The following PLPPR1 variants were observed in gnomAD, a reference collection of about 807,000 sequenced individuals.
PLPPR1 encodes phospholipid phosphatase-related protein type 1.
A neutral mutation model predicts 33.1 loss-of-function variants in PLPPR1; 10 were observed. The observed-to-expected ratio is 0.30, with a 90% confidence interval of 0.19 to 0.51. PLPPR1 has a LOEUF of 0.51. Ranked by LOEUF, PLPPR1 falls within the 20% of genes least tolerant of loss-of-function variation. PLPPR1 has a pLI of 0.97. For synonymous variants in PLPPR1, 151 were observed against 151.0 expected, an observed-to-expected ratio of 1.00 and a Z score of 0.00; for missense variants, 304 against 408.1, an observed-to-expected ratio of 0.74 and a Z score of 2.20.
At chr9:101,180,834 C>T (rs10989421) in intron 1 of PLPPR1, among the ~76,000 whole-genome samples, 83,213 of 151,600 alleles carry the variant, frequency 0.55, 23,706 homozygotes, top group Non-Finnish European at 0.62. Context: ...TGGACAAAGA[C>T]GATTTTAGAT....
chr9:101,062,042 A>T lies in PLPPR1; in HGVS notation c.-46+32940A>T, dbSNP rs532552484. Among the ~76,000 whole-genome samples, 3 of 152,170 alleles carry T rather than the reference A, an allele frequency of 2.0e-5. No individual in the cohort carries two copies. The South Asian group carries it at 6.2e-4, about 31-fold the overall frequency. On this transcript the variant is annotated intron_variant, in intron 1 of 7. Transcript: ENST00000374874. ...TGATATAATTGCATAGGTAAAGGCTAAAGTAGCCAAAATTGAAAAATGGTT... is the reference window on the plus strand; with the variant it reads ...TGATATAATTGCATAGGTAAAGGCTTAAGTAGCCAAAATTGAAAAATGGTT...
intron 1 of PLPPR1, among the ~76,000 whole-genome samples, chr9:101,135,125 C>T (rs572732636): frequency 1.3e-5 from 2 of 152,190 alleles, no homozygotes; most frequent in Non-Finnish European, 2.9e-5. Flanking sequence ...TTAGAGATTA[C>T]AAAGAACCTG....
intron 2 of PLPPR1, among the ~76,000 whole-genome samples, chr9:101,187,074 A>G (rs1389106159): frequency 3.9e-5 from 6 of 151,930 alleles, no homozygotes; most frequent in Non-Finnish European, 5.9e-5. Context: ...GGTGAAGGGA[A>G]AAAATCATTT....
At chr9:101,070,039 G>T (rs1244899227) in intron 1 of PLPPR1, among the ~76,000 whole-genome samples, 1 of 152,034 alleles carries the variant, frequency 6.6e-6, no homozygotes, top group Non-Finnish European at 1.5e-5. Context: ...TGTTAACCTT[G>T]ATCACCTGGC....
At chr9:101,301,303 C>T (rs1209979547) in intron 4 of PLPPR1, among the ~76,000 whole-genome samples, 4 of 152,122 alleles carry the variant, frequency 2.6e-5, no homozygotes, top group Non-Finnish European at 5.9e-5. Context: ...ATCTTTCCTG[C>T]ATTTAAAAAA....
chr9:101,279,937 G>C (rs1039614525), intron 3 of PLPPR1, among the ~76,000 whole-genome samples: 1 of 151,912 alleles, frequency 6.6e-6, no homozygotes, highest in Non-Finnish European at 1.5e-5. Context: ...CCCAAATTAT[G>C]CAAAGAAATA....
chr9:101,316,629 G>A (rs1207426857), intron 6 of PLPPR1, among the ~76,000 whole-genome samples: 18 of 84,738 alleles, frequency 2.1e-4, no homozygotes, highest in African/African-American at 4.5e-4. Context: ...AAAAAAAAAA[G>A]CAGGGAAGAT....
intron 1 of PLPPR1, among the ~76,000 whole-genome samples, chr9:101,108,169 C>T (rs1473913381): frequency 6.8e-6 from 1 of 146,860 alleles, no homozygotes; most frequent in Non-Finnish European, 1.5e-5. Context: ...ATCTTGGCTC[C>T]TCCCCTCAGG....
At chr9:101,293,104 G>A (rs980383316) in intron 4 of PLPPR1, among the ~76,000 whole-genome samples, 5 of 151,874 alleles carry the variant, frequency 3.3e-5, no homozygotes, top group Non-Finnish European at 7.4e-5. Flanking sequence ...AAGGATGGAG[G>A]AAGATCTACC....
chr9:101,090,880 T>G (rs78214464), intron 1 of PLPPR1, among the ~76,000 whole-genome samples: 8,070 of 151,968 alleles, frequency 0.053, 382 homozygotes, highest in African/African-American at 0.12. Flanking sequence ...ATGTGCTTCT[T>G]TTTTTTTCCC....
chr9:101,247,546 C>A (rs933338975), intron 2 of PLPPR1, among the ~76,000 whole-genome samples: 6 of 152,054 alleles, frequency 3.9e-5, no homozygotes, highest in African/African-American at 1.4e-4. Flanking sequence ...TGTCTTTAGG[C>A]ACTTGAGAGA....
chr9:101,121,408 C>A (rs1046809401), intron 1 of PLPPR1, among the ~76,000 whole-genome samples: 1 of 152,088 alleles, frequency 6.6e-6, no homozygotes, highest in Non-Finnish European at 1.5e-5. Flanking sequence ...ATAGTAGAAC[C>A]CAAATCTGTA....
intron 1 of PLPPR1, among the ~76,000 whole-genome samples, chr9:101,079,583 CT>C (rs11361751): frequency 0.63 from 87,389 of 138,590 alleles, 26,706 homozygotes; most frequent in East Asian, 0.87. Flanking sequence ...TTTTGATTGC[CT>C]TTTTTTTTTT....
chr9:101,232,581 T>A (rs1414008073), intron 2 of PLPPR1, among the ~76,000 whole-genome samples: 1 of 151,900 alleles, frequency 6.6e-6, no homozygotes, highest in Non-Finnish European at 1.5e-5. Flanking sequence ...TAGCAGAGCC[T>A]GGACCTTCTG....
At chr9:101,301,669 T>C (rs1468956538) in intron 4 of PLPPR1, among the ~76,000 whole-genome samples, 1 of 152,200 alleles carries the variant, frequency 6.6e-6, no homozygotes, top group Non-Finnish European at 1.5e-5. Flanking sequence ...GTATTCAATT[T>C]TGCCAGAAAC....
chr9:101,308,687 C>G (rs1309098445), intron 4 of PLPPR1, among the ~76,000 whole-genome samples: 4 of 150,932 alleles, frequency 2.7e-5, no homozygotes, highest in Non-Finnish European at 4.4e-5. Context: ...CTCCTTTACT[C>G]TCACCTGCCA....
chr9:101,050,006 TC>T (rs1044548506), intron 1 of PLPPR1, among the ~76,000 whole-genome samples: 2 of 150,700 alleles, frequency 1.3e-5, no homozygotes, highest in Non-Finnish European at 2.9e-5. Context: ...GCGCCTGTAG[TC>T]CCAGCTACTC....
chr9:101,095,493 C>T (rs1019519518), intron 1 of PLPPR1, among the ~76,000 whole-genome samples: 11 of 152,080 alleles, frequency 7.2e-5, no homozygotes, highest in East Asian at 1.9e-4. Flanking sequence ...ATGGTAGTTT[C>T]GATGTGAGAA....
chr9:101,194,747 C>A (rs1392937498), intron 2 of PLPPR1, among the ~76,000 whole-genome samples: 1 of 136,814 alleles, frequency 7.3e-6, no homozygotes, highest in Non-Finnish European at 1.5e-5. Context: ...GAGTGAAACT[C>A]CATCTCAAAA....
Sources: allele counts gnomAD v4.1 joint callset (sites outside exome capture counted in the v4.1 genomes callset), GRCh38; gene constraint gnomAD v4.1.1; transcripts MANE v1.5; gene names NCBI Gene and HGNC (gene_info 2026-07-23, HGNC 2026-07-21).